Variants in SH3BP4 observed in about 807,000 individuals in gnomAD.
SH3BP4 encodes SH3 domain binding protein 4.
SH3BP4 carries 33 observed loss-of-function variants against 65.5 expected under a neutral mutation model. The ratio of observed to expected loss-of-function variants is 0.50; its 90% CI spans 0.38 to 0.67. The LOEUF is 0.67. SH3BP4 is among the 30% of genes least tolerant of loss of function. The pLI is 0.00. For synonymous variants in SH3BP4, 552 were observed against 545.5 expected (o/e 1.01, Z -0.17); for missense variants, 1,134 against 1,261.4 (o/e 0.90, Z 1.53).
intron 4 of SH3BP4, among the ~76,000 whole-genome samples, chr2:235,049,654 A>G (rs1317835061): frequency 6.6e-6 from 1 of 152,244 alleles, no homozygotes; most frequent in Non-Finnish European, 1.5e-5. Context: ...TTTTAAAACA[A>G]TTTGTTTTGA....
At chr2:235,049,390 G>A (rs1237661553) in intron 4 of SH3BP4, among the ~76,000 whole-genome samples, 1 of 152,220 alleles carries the variant, frequency 6.6e-6, no homozygotes. Flanking sequence ...TTGGAGCCAG[G>A]CAGCTGTGCA....
At chr2:234,954,907 T>TGGACC (rs1692553495) in intron 1 of SH3BP4, among the ~76,000 whole-genome samples, 1 of 152,206 alleles carries the variant, frequency 6.6e-6, no homozygotes, top group Admixed American at 6.5e-5. Flanking sequence ...ACCTCGTCCC[T>TGGACC]GGACCCTGGC....
At chr2:235,051,440 G>T (rs964073362) in intron 4 of SH3BP4, among the ~76,000 whole-genome samples, 2 of 152,184 alleles carry the variant, frequency 1.3e-5, no homozygotes, top group Non-Finnish European at 2.9e-5. Context: ...GAGTCCCAAG[G>T]CGGCCACGTG....
chr2:234,964,708 T>TGTACAGGTGC (rs1692795685), intron 1 of SH3BP4, among the ~76,000 whole-genome samples: 1 of 152,164 alleles, frequency 6.6e-6, no homozygotes, highest in Non-Finnish European at 1.5e-5. Flanking sequence ...TGAGACCCCC[T>TGTACAGGTGC]TCCCAAGAGC....
chr2:234,998,730 C>T (rs1574806079), intron 2 of SH3BP4, among the ~76,000 whole-genome samples: 1 of 152,232 alleles, frequency 6.6e-6, no homozygotes, highest in Non-Finnish European at 1.5e-5. Context: ...CCCCTGCCCC[C>T]GCCTCTGGCT....
chr2:235,050,112 T>A (rs1486018874), intron 4 of SH3BP4, among the ~76,000 whole-genome samples: 3 of 151,502 alleles, frequency 2.0e-5, no homozygotes, highest in Non-Finnish European at 4.4e-5. Context: ...CTGGGTTTCT[T>A]TTTTTTTCTT....
intron 2 of SH3BP4, among the ~76,000 whole-genome samples, chr2:235,012,129 C>T (rs1393809323): frequency 6.6e-6 from 1 of 152,218 alleles, no homozygotes; most frequent in Non-Finnish European, 1.5e-5. Context: ...TCCAGCTGCT[C>T]ATGAATGTTA....
intron 2 of SH3BP4, among the ~76,000 whole-genome samples, chr2:235,021,591 C>G (rs1409659107): frequency 6.7e-6 from 1 of 148,710 alleles, no homozygotes; most frequent in Non-Finnish European, 1.5e-5. Flanking sequence ...TGTGCTCTAG[C>G]CTGGGTGAAA....
rs1289500219 is a variant in SH3BP4 at position 234,967,245 on chromosome 2, AC to A, written c.-207+15076del. ...GGGCCAGGTCTCAATTCCAGGGTGA[AC>A]AAGGTGCTTAACCGGGACCAGACTG... On this transcript the variant is annotated intron_variant, in intron 1 of 5. Coordinates refer to ENST00000392011, the MANE Select transcript of SH3BP4 (RefSeq NM_014521.3). The surrounding 1 kb of genome is among the most constrained non-coding windows in gnomAD (Gnocchi z 4.6). Among the ~76,000 whole-genome samples the A allele has an allele frequency of 6.6e-6, 1 of 152,164 alleles. No individual in the cohort carries two copies. Among genetic ancestry groups the A allele is most frequent in the African/African-American group, 2.4e-5 (1 of 41,428 alleles).
chr2:234,988,765 G>T (rs1375575445), intron 1 of SH3BP4, among the ~76,000 whole-genome samples: 1 of 152,186 alleles, frequency 6.6e-6, no homozygotes, highest in Non-Finnish European at 1.5e-5. Flanking sequence ...GGTGCTGGGT[G>T]GGTGGTTGTC....
At chr2:234,966,145 G>A (rs1397959060) in intron 1 of SH3BP4, among the ~76,000 whole-genome samples, 13 of 152,170 alleles carry the variant, frequency 8.5e-5, no homozygotes, top group Admixed American at 7.9e-4. Flanking sequence ...TTGGGAGGCC[G>A]AGGCAGGTGG....
Position 235,045,915 on chromosome 2 carries a change from A to ATTGAC in SH3BP4, c.2478+2668_2478+2669insTTGAC, listed in dbSNP as rs1467935888. The stretch of plus-strand genomic sequence containing the variant: ...GAAAATGTGAGAGTTTGAGACAGTC[A>ATTGAC]GTGTGCAGGGAGATGGGAAGGAAAA... On this transcript the variant is annotated intron_variant, in intron 4 of 5. Transcript: ENST00000392011. This position sits in a 1 kb window ranked among gnomAD's most constrained non-coding sequence, Gnocchi z 4.3. 6.6e-6 allele frequency among the ~76,000 whole-genome samples: 1 copy of ATTGAC among 152,204 alleles called. No individual in the cohort carries two copies. Among genetic ancestry groups the ATTGAC allele is most frequent in the Non-Finnish European group, 1.5e-5 (1 of 68,038 alleles).
At chr2:235,043,373 C>T in intron 4 of SH3BP4, 126 bp downstream of exon 4, 2 of 636,268 alleles carry the variant, frequency 3.1e-6, no homozygotes, top group Non-Finnish European at 5.5e-6. Context: ...TGGCTGATGT[C>T]CCGCTGCCTG....
chr2:234,956,921 G>GAGA (rs1201422865), intron 1 of SH3BP4, among the ~76,000 whole-genome samples: 1 of 152,156 alleles, frequency 6.6e-6, no homozygotes. Context: ...GGAGGTCCCT[G>GAGA]AGCTCATAGT....
intron 2 of SH3BP4, among the ~76,000 whole-genome samples, chr2:235,024,831 T>C (rs1054814690): frequency 1.3e-5 from 2 of 151,884 alleles, no homozygotes; most frequent in South Asian, 4.2e-4. Flanking sequence ...GGTAAGTCAG[T>C]GAGTAGTGTT....
At chr2:235,015,663 G>T (rs534301371) in intron 2 of SH3BP4, among the ~76,000 whole-genome samples, 2 of 152,364 alleles carry the variant, frequency 1.3e-5, no homozygotes, top group East Asian at 3.9e-4. Flanking sequence ...GTAGAGGAAG[G>T]TTGGGAAGAA....
At chr2:234,985,443 C>T (rs559147586) in intron 1 of SH3BP4, among the ~76,000 whole-genome samples, 1 of 152,342 alleles carries the variant, frequency 6.6e-6, no homozygotes, top group Admixed American at 6.5e-5. Context: ...ACATTTTTGA[C>T]TCTTGTGCAC....
chr2:234,956,488 A>T (rs1270307180), intron 1 of SH3BP4, among the ~76,000 whole-genome samples: 2 of 151,862 alleles, frequency 1.3e-5, no homozygotes, highest in South Asian at 2.1e-4. Flanking sequence ...TGAGAAGAAT[A>T]CTTCCTTTGA....
At chr2:234,968,630 C>G (rs1207112709) in intron 1 of SH3BP4, among the ~76,000 whole-genome samples, 2 of 152,078 alleles carry the variant, frequency 1.3e-5, no homozygotes, top group Admixed American at 6.5e-5. Context: ...TTTCACGTCG[C>G]ATGCCATGTG....
Sources: allele counts gnomAD v4.1 joint callset (sites outside exome capture counted in the v4.1 genomes callset), GRCh38; gene constraint gnomAD v4.1.1; non-coding constraint Gnocchi (gnomAD v3.1); transcripts MANE v1.5; gene names NCBI Gene and HGNC (gene_info 2026-07-23, HGNC 2026-07-21).